Variants in ZNF134 observed in about 807,000 individuals in gnomAD.
The protein encoded by ZNF134 is zinc finger protein 134.
ZNF134 carries 5 observed loss-of-function variants against 2.5 expected under a neutral mutation model. The ratio of observed to expected loss-of-function variants is 2.03; its 90% CI spans 1.06 to 4.27. The LOEUF is 4.27. ZNF134 is among the 30% of genes most tolerant of loss of function. ZNF134 has a pLI of 0.00. For synonymous variants in ZNF134, 176 were observed against 176.2 expected (o/e 1.00, Z 0.01); for missense variants, 540 against 517.5 (o/e 1.04, Z -0.42).
At chr19:57,620,066 A>T in intron 2 of ZNF134, 94 bp from the exon 3 acceptor site, 1 of 1,418,116 alleles carries the variant, frequency 7.1e-7, no homozygotes, top group Non-Finnish European at 9.6e-7. Context: ...AAACTTAGGT[A>T]CTCAGTCCTG....
At chr19:57,620,126 A>G (rs1981156821) in intron 2 of ZNF134, 34 bp from the exon 3 acceptor site, 2 of 1,588,190 alleles carry the variant, frequency 1.3e-6, no homozygotes, top group Admixed American at 1.7e-5. Flanking sequence ...CACCAAAGTC[A>G]GCATGTACAT....
Position 57,619,171 on chromosome 19 carries a change from AT to A in ZNF134, c.-57-240del, listed in dbSNP as rs1322289960. Among the ~76,000 whole-genome samples, 3 of 152,136 alleles carry A rather than the reference AT, an allele frequency of 2.0e-5. No individual in the cohort carries two copies. The East Asian group carries it at 5.8e-4, about 29-fold the overall frequency. On this transcript the variant is annotated intron_variant, in intron 1 of 2. Coordinates refer to ENST00000396161, the MANE Select transcript of ZNF134 (RefSeq NM_003435.5). Reference sequence around the variant, plus strand: ...CCTGGCCAGGTGACTGTCCACACTCATGACACCTCTGGACTCCAGGCTCCAC... The same window carrying A: ...CCTGGCCAGGTGACTGTCCACACTCAGACACCTCTGGACTCCAGGCTCCAC...
Position 57,623,060 on chromosome 19 carries a change from C to T in ZNF134, c.*1657C>T, listed in dbSNP as rs1360467880. 2 of 151,886 alleles carry T rather than the reference C, an allele frequency of 1.3e-5. No individual in the cohort carries two copies. Among genetic ancestry groups the T allele is most frequent in the African/African-American group, 4.8e-5 (2 of 41,342 alleles). 9.4% of individuals were successfully genotyped at this position (151,886 alleles called of 1,614,324 possible). A position where few individuals can be genotyped will look rare whatever the true frequency, so the allele number is the denominator to read the frequency against. On this transcript the variant is annotated 3_prime_UTR_variant, in exon 3 of 3. Coordinates refer to ENST00000396161, the MANE Select transcript of ZNF134 (RefSeq NM_003435.5). Reference sequence around the variant, plus strand: ...GTTACCCCCAAAGTTAACCTGAGGCCCTTAACCTTTCTCTCAGTGCTCGCC... The same window carrying T: ...GTTACCCCCAAAGTTAACCTGAGGCTCTTAACCTTTCTCTCAGTGCTCGCC...
In ZNF134 at chr19:57,621,151, T is replaced by C; in HGVS notation, c.1032T>C (p.Phe344=). 1 of 1,614,240 alleles carries C rather than the reference T, an allele frequency of 6.2e-7. No homozygotes were observed. The highest frequency in any genetic ancestry group is 8.5e-7 in the Non-Finnish European group (1 of 1,180,052). ...HQRIHTESKP[F]ECIECGKFFS... ...GAATTCACACTGAGTCAAAGCCGTT[T>C]GAGTGCATTGAATGCGGGAAATTCT... is the stretch of plus-strand genomic sequence containing the variant. The change falls in exon 3 of 3, where the codon TTT becomes TTC. Residue 344 remains phenylalanine (F), a synonymous_variant. Coordinates refer to ENST00000396161, the MANE Select transcript of ZNF134 (RefSeq NM_003435.5).
Position 57,623,667 on chromosome 19 carries a change from A to T in ZNF134, c.*2264A>T, listed in dbSNP as rs897284882. ...TTTGCTGATACCGGGATCAAAACATACATCAGAACACTGTCACACAAAAAG... is the reference window on the plus strand; with the variant it reads ...TTTGCTGATACCGGGATCAAAACATTCATCAGAACACTGTCACACAAAAAG... On this transcript the variant is annotated 3_prime_UTR_variant, in exon 3 of 3. Coordinates refer to ENST00000396161, the MANE Select transcript of ZNF134 (RefSeq NM_003435.5). 3 of 152,240 alleles carry T rather than the reference A, an allele frequency of 2.0e-5. No individual in the cohort carries two copies. Among genetic ancestry groups the T allele is most frequent in the Non-Finnish European group, 4.4e-5 (3 of 68,048 alleles). The allele number at this position is 152,240 out of a possible 1,614,324, so 9.4% of individuals were successfully genotyped here. A position where few individuals can be genotyped will look rare whatever the true frequency, so the allele number is the denominator to read the frequency against.
At position 57,620,381 on chromosome 19, in the gene ZNF134, TG is replaced by T. The variant is rs1212628603; in HGVS notation, c.264del (p.Trp88CysfsTer15). On this transcript the variant is annotated frameshift_variant, in exon 3 of 3. Transcript: ENST00000396161. LOFTEE classifies it low-confidence loss of function (END_TRUNC). ...ATGTGGGGCATGTGGGAGACAATTC[TG>T]GTTCAGTGCAAACCTTCATCAGTAC... is the stretch of plus-strand genomic sequence containing the variant. ...HTCGACGRQFWFSANLHQYQK... is the reference protein window; with the variant it reads ...HTCGACGRQFXFSANLHQYQK... 4 of 1,614,230 alleles carry T rather than the reference TG, an allele frequency of 2.5e-6. No individual in the cohort carries two copies. The highest frequency in any genetic ancestry group is 1.7e-6 in the Non-Finnish European group (2 of 1,180,048).
rs1202796281 is a variant in ZNF134, at chr19:57,621,029, G to A, written c.910G>A (p.Val304Ile). 6.2e-7 allele frequency: 1 copy of A among 1,614,042 alleles called. No individual in the cohort carries two copies. The highest frequency in any genetic ancestry group is 8.5e-7 in the Non-Finnish European group (1 of 1,179,990). Residue 304 changes from valine to isoleucine, a missense_variant, in exon 3 of 3, where the codon GTT becomes ATT. Transcript: ENST00000396161. ...AGTCTTCAGACACAAATCTACACTTGTTCAGCATGAGAGTATTCACACTGG... is the reference window on the plus strand; with the variant it reads ...AGTCTTCAGACACAAATCTACACTTATTCAGCATGAGAGTATTCACACTGG... Reference protein sequence around the residue: ...GKVFRHKSTLVQHESIHTGEN... With the variant: ...GKVFRHKSTLIQHESIHTGEN...
chr19:57,615,942 G>A (rs533015422), intron 1 of ZNF134, among the ~76,000 whole-genome samples: 3 of 152,334 alleles, frequency 2.0e-5, no homozygotes, highest in African/African-American at 7.2e-5. Context: ...AAGTTAACAG[G>A]CTAAACCTTT....
chr19:57,623,271 G>A lies in ZNF134; in HGVS notation c.*1868G>A, dbSNP rs1330217720. The A allele has an allele frequency of 6.6e-6, 1 of 152,094 alleles. No individual in the cohort carries two copies. The highest frequency in any genetic ancestry group is 1.5e-5 in the Non-Finnish European group (1 of 68,038). 9.4% of individuals were successfully genotyped at this position (152,094 alleles called of 1,614,324 possible). ...TTTTAAAATTACTGAGTCATATTCT[G>A]TATGGATATACCACAGTTTATCCAT... On this transcript the variant is annotated 3_prime_UTR_variant, in exon 3 of 3. Transcript: ENST00000396161.
At position 57,620,487 on chromosome 19, in the gene ZNF134, A is replaced by G. The variant is rs963017357; in HGVS notation, c.368A>G (p.Lys123Arg). ...ASIVKNCTVS[K>R]EPHPSEKPFT... The stretch of plus-strand genomic sequence containing the variant: ...ATTGTGAAGAACTGCACAGTTAGCA[A>G]AGAACCTCATCCGTCAGAGAAGCCC... Residue 123 changes from lysine to arginine, a missense_variant, in exon 3 of 3, where the codon AAA (lysine) becomes AGA (arginine). Transcript: ENST00000396161. The G allele has an allele frequency of 4.3e-6, 7 of 1,614,252 alleles. No homozygotes were observed. The highest frequency in any genetic ancestry group is 5.1e-6 in the Non-Finnish European group (6 of 1,180,042).
Position 57,623,648 on chromosome 19 carries a change from G to C in ZNF134, c.*2245G>C, listed in dbSNP as rs1981296454. 6.6e-6 allele frequency: 1 copy of C among 152,118 alleles called. No homozygotes were observed. Among genetic ancestry groups the C allele is most frequent in the African/African-American group, 2.4e-5 (1 of 41,418 alleles). The allele number at this position is 152,118 out of a possible 1,614,324, so 9.4% of individuals were successfully genotyped here. On this transcript the variant is annotated 3_prime_UTR_variant, in exon 3 of 3. Transcript: ENST00000396161. ...AGAGAGATAGCCAAGGATGTTTGCT[G>C]ATACCGGGATCAAAACATACATCAG...
At chr19:57,615,786 C>T (rs1198828088) in intron 1 of ZNF134, among the ~76,000 whole-genome samples, 3 of 151,904 alleles carry the variant, frequency 2.0e-5, no homozygotes, top group Non-Finnish European at 4.4e-5. Context: ...TTGTGTAGGA[C>T]GTGTGGTTTT....
chr19:57,616,298 AG>A (rs1981048949), intron 1 of ZNF134, among the ~76,000 whole-genome samples: 1 of 152,272 alleles, frequency 6.6e-6, no homozygotes, highest in African/African-American at 2.4e-5. Context: ...GTATGTACAA[AG>A]TAAGGGAAAT....
rs1219559138 is a variant in ZNF134 at position 57,622,956 on chromosome 19, GATACACACACAC to G, written c.*1555_*1566del. ...ATTTAAAGTGTACGAGTTAAGTCTT[GATACACACACAC>G]ACACACACACACACACACACACACA... On this transcript the variant is annotated 3_prime_UTR_variant, in exon 3 of 3. Transcript: ENST00000396161. 3.6e-5 allele frequency: 3 copies of G among 82,498 alleles called. No homozygotes were observed. The highest frequency in any genetic ancestry group is 1.6e-4 in the African/African-American group (3 of 19,124). 5.1% of individuals were successfully genotyped at this position (82,498 alleles called of 1,614,324 possible). A position where few individuals can be genotyped will look rare whatever the true frequency, so the allele number is the denominator to read the frequency against.
chr19:57,618,200 T>G (rs979895384), intron 1 of ZNF134, among the ~76,000 whole-genome samples: 1 of 152,200 alleles, frequency 6.6e-6, no homozygotes, highest in African/African-American at 2.4e-5. Flanking sequence ...TCTGGATTGC[T>G]GAATTGACCC....
Position 57,621,461 on chromosome 19 carries a change from C to T in ZNF134, c.*58C>T. The T allele has an allele frequency of 1.9e-6, 3 of 1,600,750 alleles. No individual in the cohort carries two copies. Among genetic ancestry groups the T allele is most frequent in the East Asian group, 2.2e-5 (1 of 44,866 alleles). The stretch of plus-strand genomic sequence containing the variant: ...AGATGTTGAATTTCATGTATCTGAA[C>T]ATTGACACAAAGGAGATACCTTATG... On this transcript the variant is annotated 3_prime_UTR_variant, in exon 3 of 3. Transcript: ENST00000396161.
rs1215793820 is a variant in ZNF134, at chr19:57,621,885, C to T, written c.*482C>T. On this transcript the variant is annotated 3_prime_UTR_variant, in exon 3 of 3. Coordinates refer to ENST00000396161, the MANE Select transcript of ZNF134 (RefSeq NM_003435.5). The stretch of plus-strand genomic sequence containing the variant: ...CTGGGAAAGTACTTGCCTCATGTTG[C>T]TCTGGTTTGTGATAATAAAGGCTTT... The T allele has an allele frequency of 1.5e-5, 4 of 273,518 alleles. No homozygotes were observed. The highest frequency in any genetic ancestry group is 2.9e-5 in the Non-Finnish European group (4 of 138,524). 16.9% of individuals were successfully genotyped at this position (273,518 alleles called of 1,614,324 possible). A position where few individuals can be genotyped will look rare whatever the true frequency, so the allele number is the denominator to read the frequency against.
chr19:57,619,356 C>G, intron 1 of ZNF134, 56 bp from the exon 2 acceptor site: 3 of 1,379,644 alleles, frequency 2.2e-6, no homozygotes, highest in Non-Finnish European at 3.0e-6. Flanking sequence ...GGGTGGGCTA[C>G]TCTGGCTAGT....
At chr19:57,617,619 G>A (rs1020090334) in intron 1 of ZNF134, among the ~76,000 whole-genome samples, 1 of 152,154 alleles carries the variant, frequency 6.6e-6, no homozygotes, top group Non-Finnish European at 1.5e-5. Context: ...GCTGGACACA[G>A]AGATCTGAAG....
Sources: gnomAD v4.1 joint callset for allele counts (sites outside exome capture counted in the v4.1 genomes callset) on GRCh38, gnomAD v4.1.1 for gene constraint, MANE v1.5 for transcripts, NCBI Gene and HGNC (gene_info 2026-07-23, HGNC 2026-07-21) for gene names.